The following LRSAM1 variants were observed in gnomAD, a reference collection of about 807,000 sequenced individuals.
The protein encoded by LRSAM1 is leucine rich repeat and sterile alpha motif containing 1.
LRSAM1 carries 96 observed loss-of-function variants against 118.1 expected under a neutral mutation model. The observed-to-expected ratio is 0.81, with a 90% confidence interval of 0.69 to 0.96. LRSAM1 has a LOEUF of 0.96. Among genes scored for constraint, LRSAM1 ranks in the 40% least tolerant of loss-of-function variants. LRSAM1 has a pLI of 0.00. For missense variants in LRSAM1, 804 were observed against 915.5 expected, an observed-to-expected ratio of 0.88 and a Z score of 1.57; for synonymous variants, 322 against 364.2, an observed-to-expected ratio of 0.88 and a Z score of 1.32.
chr9:127,495,825 C>A, intron 22 of LRSAM1, 139 bp from the exon 23 acceptor site: 1 of 1,286,418 alleles, frequency 7.8e-7, no homozygotes, highest in Non-Finnish European at 1.1e-6. Context: ...CTCTGTGTGC[C>A]TACCTATGAG....
rs1834899144 is a variant in LRSAM1 at position 127,465,689 on chromosome 9, CA to C, written c.529-2050del. Among the ~76,000 whole-genome samples the C allele has an allele frequency of 6.6e-6, 1 of 152,256 alleles. No homozygotes were observed. The highest frequency in any genetic ancestry group is 2.1e-4 in the South Asian group (1 of 4,832). Reference sequence around the variant, plus strand: ...GGGGACCTGAGCTACCCTTCCCACCCAGCCACTTGTGTTACAGCAAAATCAG... The same window carrying C: ...GGGGACCTGAGCTACCCTTCCCACCCGCCACTTGTGTTACAGCAAAATCAG... On this transcript the variant is annotated intron_variant, in intron 9 of 25. Coordinates refer to ENST00000300417, the MANE Select transcript of LRSAM1 (RefSeq NM_001005373.4). The surrounding 1 kb of genome is among the most constrained non-coding windows in gnomAD (Gnocchi z 4.1).
intron 17 of LRSAM1, chr9:127,486,774 T>C (rs2132083918): frequency 6.6e-6 from 1 of 152,310 alleles, no homozygotes; most frequent in East Asian, 1.9e-4. Context: ...GGTGGAGAAT[T>C]TGATGAGTGT....
rs552252801 is a variant in LRSAM1, at chr9:127,485,670, C to A, written c.1160-66C>A. On this transcript the variant is annotated intron_variant, in intron 16 of 25. Coordinates refer to ENST00000300417, the MANE Select transcript of LRSAM1 (RefSeq NM_001005373.4). ...TCAGTTCCTGTGGAAATCCCTGCTG[C>A]CTCCCTGCCCAGGTGCCCCAGGAGC... 2.2e-5 allele frequency: 32 copies of A among 1,475,206 alleles called. No homozygotes were observed. In the South Asian group the frequency reaches 3.3e-4, roughly 15 times the overall value. 91.4% of individuals were successfully genotyped at this position (1,475,206 alleles called of 1,614,324 possible).
In LRSAM1 at chr9:127,457,386, C is replaced by A. The variant is rs373669417; in HGVS notation, c.245C>A (p.Thr82Asn). 6.2e-7 allele frequency: 1 copy of A among 1,614,192 alleles called. No homozygotes were observed. The highest frequency in any genetic ancestry group is 1.1e-5 in the South Asian group (1 of 91,086). ...PKSCSLLSLA[T>N]IKVLDLHDNQ... ...TCCTGCAGCCTCCTGAGTCTGGCAA[C>A]CATCAAGGTACTGGGCCCTCCTCCC... The change falls in exon 6 of 26, where the codon ACC (threonine) becomes AAC (asparagine). Residue 82 changes from threonine (T) to asparagine (N), a missense_variant. By Grantham distance (65) the Thr-to-Asn change is moderately conservative. Transcript: ENST00000300417.
At chr9:127,466,493 T>C (rs1318382937) in intron 9 of LRSAM1, among the ~76,000 whole-genome samples, 1 of 18,078 alleles carries the variant, frequency 5.5e-5, no homozygotes, top group Admixed American at 5.5e-4. Context: ...TATATATATA[T>C]ATATATATAT....
At chr9:127,457,517 A>C (rs1233964024) in intron 6 of LRSAM1, 124 bp downstream of exon 6, 1 of 894,096 alleles carries the variant, frequency 1.1e-6, no homozygotes, top group African/African-American at 1.7e-5. Context: ...TCAGTCTGGG[A>C]TTTGATCAGT....
At chr9:127,487,868 G>C in intron 18 of LRSAM1, 105 bp downstream of exon 18, 1 of 863,666 alleles carries the variant, frequency 1.2e-6, no homozygotes. Flanking sequence ...CAGCATGTGG[G>C]ACCACAGAGG....
At chr9:127,479,205 A>G (rs1479702177) in intron 12 of LRSAM1, among the ~76,000 whole-genome samples, 178 bp from the exon 13 acceptor site, 4 of 152,164 alleles carry the variant, frequency 2.6e-5, no homozygotes, top group Non-Finnish European at 1.5e-5. Context: ...CTAGACCACT[A>G]GCCTCTTCCT....
intron 8 of LRSAM1, 98 bp downstream of exon 8, chr9:127,461,355 G>A: frequency 4.7e-6 from 5 of 1,066,014 alleles, no homozygotes; most frequent in Non-Finnish European, 7.1e-6. Flanking sequence ...CATTGAGCAG[G>A]AGGGCAGCCA....
intron 9 of LRSAM1, among the ~76,000 whole-genome samples, 197 bp from the exon 10 acceptor site, chr9:127,467,543 G>T (rs1564259881): frequency 6.6e-6 from 1 of 152,186 alleles, no homozygotes; most frequent in African/African-American, 2.4e-5. Context: ...ACAAGGTAGG[G>T]CATCACACTG....
intron 9 of LRSAM1, among the ~76,000 whole-genome samples, chr9:127,463,659 A>G (rs1311685222): frequency 1.3e-5 from 2 of 152,138 alleles, no homozygotes; most frequent in African/African-American, 2.4e-5. Context: ...CTATCTCCAC[A>G]TACAGCCACA....
In LRSAM1 at chr9:127,457,366, C is replaced by T. The variant is rs546497500; in HGVS notation, c.225C>T (p.Cys75=). 1 of 1,614,224 alleles carries T rather than the reference C, an allele frequency of 6.2e-7. No individual in the cohort carries two copies. Among genetic ancestry groups the T allele is most frequent in the African/African-American group, 1.3e-5 (1 of 75,080 alleles). ...TCACTTCCCTGCTTCCCAAATCCTG[C>T]AGCCTCCTGAGTCTGGCAACCATCA... ...NHLTSLLPKS[C]SLLSLATIKV... is the part of the protein sequence containing the mutation. The change falls in exon 6 of 26, where the codon TGC becomes TGT. Residue 75 remains cysteine (C), a synonymous_variant. Transcript: ENST00000300417.
chr9:127,462,462 A>C, intron 9 of LRSAM1, 89 bp downstream of exon 9: 327 of 1,585,700 alleles, frequency 2.1e-4, no homozygotes, highest in Non-Finnish European at 2.5e-4. Flanking sequence ...CTCTGATCTC[A>C]CGGTACCAGG....
chr9:127,471,117 A>G (rs1388321621), intron 10 of LRSAM1: 1 of 152,052 alleles, frequency 6.6e-6, no homozygotes, highest in African/African-American at 2.4e-5. Flanking sequence ...TCTTCGAGCA[A>G]CAGGTGATTC....
chr9:127,486,553 G>A (rs971104808), intron 17 of LRSAM1: 9 of 154,374 alleles, frequency 5.8e-5, no homozygotes, highest in East Asian at 1.9e-4. Flanking sequence ...TGGACTGTGC[G>A]GGCCTCCCCT....
At chr9:127,453,396 A>G (rs527431394) in intron 2 of LRSAM1, 1 of 150,640 alleles carries the variant, frequency 6.6e-6, no homozygotes, top group African/African-American at 2.5e-5. Flanking sequence ...TCTTCACTTT[A>G]AAAAGGGTTA....
intron 22 of LRSAM1, 96 bp from the exon 23 acceptor site, chr9:127,495,868 G>T: frequency 6.6e-7 from 1 of 1,524,514 alleles, no homozygotes; most frequent in Non-Finnish European, 8.9e-7. Context: ...TACATTCTAT[G>T]TATTATGTTA....
In LRSAM1 at chr9:127,465,094, A is replaced by T. The variant is rs1834881672; in HGVS notation, c.529-2646A>T. Reference sequence around the variant, plus strand: ...TCAGGTGTCACGCACGCCACCCACCAAACAGCCCACCAGGTCGGTAACACT... The same window carrying T: ...TCAGGTGTCACGCACGCCACCCACCTAACAGCCCACCAGGTCGGTAACACT... On this transcript the variant is annotated intron_variant, in intron 9 of 25. Coordinates refer to ENST00000300417, the MANE Select transcript of LRSAM1 (RefSeq NM_001005373.4). The surrounding 1 kb of genome is among the most constrained non-coding windows in gnomAD (Gnocchi z 4.1). 6.6e-6 allele frequency among the ~76,000 whole-genome samples: 1 copy of T among 152,192 alleles called. No homozygotes were observed. The highest frequency in any genetic ancestry group is 1.5e-5 in the Non-Finnish European group (1 of 68,030).
intron 4 of LRSAM1, 26 bp downstream of exon 4, chr9:127,455,080 T>C (rs1327133948): frequency 1.2e-6 from 2 of 1,611,788 alleles, no homozygotes; most frequent in Non-Finnish European, 1.7e-6. Context: ...TGTTGGGCTG[T>C]GAATTGGATC....
Sources: allele counts gnomAD v4.1 joint callset (sites outside exome capture counted in the v4.1 genomes callset), GRCh38; gene constraint gnomAD v4.1.1; non-coding constraint Gnocchi (gnomAD v3.1); transcripts MANE v1.5; gene names NCBI Gene and HGNC (gene_info 2026-07-23, HGNC 2026-07-21).